Variants in TUB observed in about 807,000 individuals in gnomAD.
TUB encodes the protein tubby protein homolog.
In TUB, 33 loss-of-function variants were observed where a neutral mutation model predicts 59.7. That is an observed-to-expected ratio of 0.55 (90% CI 0.42 to 0.74). TUB has a LOEUF of 0.74. TUB is among the 30% of genes least tolerant of loss of function. The pLI is 0.00. For synonymous variants in TUB, 293 were observed against 256.4 expected (o/e 1.14, Z -1.36); for missense variants, 659 against 672.0 (o/e 0.98, Z 0.21).
chr11:8,032,075 A>C (rs1465519934), intron 1 of TUB, among the ~76,000 whole-genome samples: 1 of 152,000 alleles, frequency 6.6e-6, no homozygotes, highest in East Asian at 1.9e-4. Flanking sequence ...CCGCGACTGC[A>C]CAGAGCCTCC....
chr11:8,036,591 G>A (rs927137313), upstream of TUB, among the ~76,000 whole-genome samples: 1 of 152,210 alleles, frequency 6.6e-6, no homozygotes, highest in African/African-American at 2.4e-5. Flanking sequence ...AGCAGCAATG[G>A]CCAACTACAA....
At chr11:8,061,395 C>G (rs1202710639) in intron 2 of TUB, among the ~76,000 whole-genome samples, 1 of 152,150 alleles carries the variant, frequency 6.6e-6, no homozygotes, top group African/African-American at 2.4e-5. Flanking sequence ...GAGAGCTGGC[C>G]TCAGGATGGG....
chr11:8,096,639 G>T (rs1277745604), intron 5 of TUB, 46 bp from the exon 6 acceptor site: 1 of 1,329,338 alleles, frequency 7.5e-7, no homozygotes, highest in Non-Finnish European at 1.1e-6. Context: ...CAGGGGCAGC[G>T]TAGACTTCTC....
intron 7 of TUB, 127 bp from the exon 8 acceptor site, chr11:8,097,587 A>G: frequency 4.6e-6 from 6 of 1,318,220 alleles, no homozygotes. Context: ...TTTCCAGTGC[A>G]TTTGTGTGTG....
At position 8,104,259 on chromosome 11, in the gene TUB, A is replaced by T. The variant is rs1054594465; in HGVS notation, c.*2640A>T. On this transcript the variant is annotated 3_prime_UTR_variant, in exon 12 of 12. Coordinates refer to ENST00000299506, the MANE Select transcript of TUB (RefSeq NM_177972.3). ...TCCCTAATGGTATTGGGCAGTTGGG[A>T]GTGAGTTTAGGCAGCTTCTCTGTAA... The T allele has an allele frequency of 6.6e-6, 1 of 152,202 alleles. No individual in the cohort carries two copies. Among genetic ancestry groups the T allele is most frequent in the Admixed American group, 6.5e-5 (1 of 15,272 alleles). The allele number at this position is 152,202 out of a possible 1,614,324, so 9.4% of individuals were successfully genotyped here. A position where few individuals can be genotyped will look rare whatever the true frequency, so the allele number is the denominator to read the frequency against.
intron 1 of TUB, among the ~76,000 whole-genome samples, chr11:8,085,279 T>G (rs991038900): frequency 1.1e-4 from 16 of 151,054 alleles, no homozygotes; most frequent in Non-Finnish European, 2.4e-4. Context: ...GAGAGAGGAG[T>G]GGGTTGATTC....
At chr11:8,053,244 T>C (rs1448904149) in intron 2 of TUB, among the ~76,000 whole-genome samples, 1 of 152,186 alleles carries the variant, frequency 6.6e-6, no homozygotes, top group Non-Finnish European at 1.5e-5. Flanking sequence ...GAGCTCTATA[T>C]GGTGCATGTT....
chr11:8,043,424 C>A (rs1942783609), intron 2 of TUB, among the ~76,000 whole-genome samples: 1 of 152,102 alleles, frequency 6.6e-6, no homozygotes, highest in African/African-American at 2.4e-5. Flanking sequence ...TTTTTTCTTA[C>A]AAATTTTAGA....
At chr11:8,078,164 G>T (rs548861108), upstream of TUB, among the ~76,000 whole-genome samples, 1 of 152,228 alleles carries the variant, frequency 6.6e-6, no homozygotes, top group African/African-American at 2.4e-5. Context: ...CTCAAGCTCA[G>T]GTGGCAGATG....
intron 2 of TUB, chr11:8,060,163 A>T (rs964699725): frequency 6.6e-6 from 1 of 152,630 alleles, no homozygotes; most frequent in Admixed American, 6.5e-5. Context: ...ATCAGGAAGT[A>T]GATTTGGGAG....
At chr11:8,070,346 C>T (rs759916453) in intron 2 of TUB, among the ~76,000 whole-genome samples, 12 of 152,198 alleles carry the variant, frequency 7.9e-5, no homozygotes, top group Admixed American at 2.6e-4. Flanking sequence ...AAATCAGTCT[C>T]ATTGGTATTA....
At chr11:8,021,079 C>G (rs1379465393) in intron 1 of TUB, among the ~76,000 whole-genome samples, 1 of 152,178 alleles carries the variant, frequency 6.6e-6, no homozygotes, top group African/African-American at 2.4e-5. Context: ...ATTAGATAAC[C>G]TGCATTCAAA....
At chr11:8,051,418 A>G (rs112837049) in intron 2 of TUB, among the ~76,000 whole-genome samples, 9 of 152,276 alleles carry the variant, frequency 5.9e-5, no homozygotes, top group African/African-American at 2.2e-4. Context: ...GGTTATTTCC[A>G]TAATTTCTAA....
chr11:8,054,277 GTTCA>G (rs1260847182), intron 2 of TUB, among the ~76,000 whole-genome samples: 1 of 152,114 alleles, frequency 6.6e-6, no homozygotes, highest in Non-Finnish European at 1.5e-5. Context: ...TTTCTAGAAA[GTTCA>G]TTGTGTTGAG....
intron 2 of TUB, among the ~76,000 whole-genome samples, chr11:8,049,604 TAC>T (rs533161880): frequency 1.3e-4 from 19 of 146,568 alleles, no homozygotes; most frequent in Non-Finnish European, 2.2e-4. Context: ...GATAGATAGA[TAC>T]ACACACACAT....
chr11:8,068,305 C>G (rs1032758435), intron 2 of TUB: 2 of 152,366 alleles, frequency 1.3e-5, no homozygotes, highest in Admixed American at 1.3e-4. Context: ...CTAGCTCTGC[C>G]CTGGGCTATT....
chr11:8,101,341 T>C (rs1237246832), intron 11 of TUB, 145 bp from the exon 12 acceptor site: 11 of 1,124,114 alleles, frequency 9.8e-6, no homozygotes, highest in African/African-American at 1.5e-5. Context: ...AATTGGCCTT[T>C]GTTTTACTTC....
rs568060331 is a variant in TUB at position 8,089,999 on chromosome 11, C to T, written c.91-70C>T. On this transcript the variant is annotated intron_variant, in intron 2 of 11. Transcript: ENST00000299506. ...GCCTTGGCCCAAGGTGGGCTGTGGA[C>T]CCCCCGATAACTGGGAGCCCGCCCT... is the stretch of plus-strand genomic sequence containing the variant. 97 of 1,483,848 alleles carry T rather than the reference C, an allele frequency of 6.5e-5. No individual in the cohort carries two copies. The East Asian group carries it at 9.2e-4, about 14-fold the overall frequency. The allele number at this position is 1,483,848 out of a possible 1,614,324, so 91.9% of individuals were successfully genotyped here.
At chr11:8,098,718 G>C in intron 8 of TUB, 40 bp from the exon 9 acceptor site, 1 of 1,459,878 alleles carries the variant, frequency 6.8e-7, no homozygotes, top group African/African-American at 1.4e-5. Flanking sequence ...CTCTGGGGCA[G>C]AGGGTGCATG....
Sources: gnomAD v4.1 joint callset for allele counts (sites outside exome capture counted in the v4.1 genomes callset) on GRCh38, gnomAD v4.1.1 for gene constraint, MANE v1.5 for transcripts, NCBI Gene and HGNC (gene_info 2026-07-23, HGNC 2026-07-21) for gene names.